EXOC3: variants seen among roughly 807,000 people sequenced by gnomAD.
EXOC3 encodes exocyst complex component 3.
EXOC3 carries 21 observed loss-of-function variants against 73.7 expected under a neutral mutation model. The observed-to-expected ratio is 0.29, with a 90% CI of 0.20 to 0.41. The LOEUF is 0.41. Among genes scored for constraint, EXOC3 ranks in the 10% least tolerant of loss-of-function variants. EXOC3 has a pLI of 1.00. For missense variants in EXOC3, 842 were observed against 985.1 expected (o/e 0.85, Z 1.95); for synonymous variants, 410 against 389.1 (o/e 1.05, Z -0.63).
At chr5:448,217 C>T (rs1243983220) in intron 3 of EXOC3, among the ~76,000 whole-genome samples, 1 of 152,218 alleles carries the variant, frequency 6.6e-6, no homozygotes, top group Non-Finnish European at 1.5e-5. Flanking sequence ...GTGCACAGGC[C>T]AGGGCAGAGG....
Position 453,366 on chromosome 5 carries a change from C to A in EXOC3, c.365-4C>A. ...TTATGTTGTGTCTTGTGCCTTCTCC[C>A]TAGTGCCTGAGATTGTGAGGGAGAC... On this transcript the variant is annotated splice_polypyrimidine_tract_variant and splice_region_variant and intron_variant, in intron 3 of 12. Coordinates refer to ENST00000512944, the MANE Select transcript of EXOC3 (RefSeq NM_007277.5). The A allele has an allele frequency of 1.3e-6, 2 of 1,566,254 alleles. No individual in the cohort carries two copies. Among genetic ancestry groups the A allele is most frequent in the East Asian group, 2.4e-5 (1 of 42,110 alleles).
intron 9 of EXOC3, 33 bp downstream of exon 9, chr5:462,340 G>A (rs1289309241): frequency 1.2e-6 from 2 of 1,613,156 alleles, no homozygotes; most frequent in Admixed American, 3.3e-5. Flanking sequence ...GCCGTTTTCT[G>A]GGCCGAAGCC....
chr5:457,218 G>T (rs1363800374), intron 5 of EXOC3: 5 of 569,468 alleles, frequency 8.8e-6, no homozygotes, highest in Non-Finnish European at 1.3e-5. Flanking sequence ...TCTGAAGCTT[G>T]TCCTCTGCTG....
chr5:453,325 A>G, intron 3 of EXOC3, 45 bp from the exon 4 acceptor site: 3 of 1,463,720 alleles, frequency 2.0e-6, no homozygotes, highest in Non-Finnish European at 1.9e-6. Flanking sequence ...GCAGCCTTTT[A>G]TGTGGTGGTG....
rs1371380095 is a variant in EXOC3, at chr5:459,402, A to G, written c.1334A>G (p.Asp445Gly). 1 of 1,575,236 alleles carries G rather than the reference A, an allele frequency of 6.3e-7. No individual in the cohort carries two copies. Among genetic ancestry groups the G allele is most frequent in the African/African-American group, 1.3e-5 (1 of 74,394 alleles). Residue 445 changes from aspartate (D) to glycine (G), a missense_variant, in exon 7 of 13, where the codon GAT (aspartate) becomes GGT (glycine). Asp to Gly is a moderately conservative substitution (Grantham distance 94). Transcript: ENST00000512944. ...CAAGTTGCTGCTCAGATAAGTGAAG[A>G]TTTGAAAACAAAGGTACTAGTTTTA... is the stretch of plus-strand genomic sequence containing the variant. ...NLQVAAQISE[D>G]LKTKVLVLCL...
intron 7 of EXOC3, among the ~76,000 whole-genome samples, chr5:460,506 T>C (rs147358236): frequency 1.2e-4 from 19 of 152,292 alleles, no homozygotes; most frequent in African/African-American, 4.6e-4. Context: ...CATCCATCGA[T>C]AGGGGTAATG....
Position 448,465 on chromosome 5 carries a change from C to T in EXOC3, c.364+713C>T, listed in dbSNP as rs561068922. On this transcript the variant is annotated intron_variant, in intron 3 of 12. Coordinates refer to ENST00000512944, the MANE Select transcript of EXOC3 (RefSeq NM_007277.5). ...CAAGGTCAGCAGCATCCTTCCAGTC[C>T]CCAACTCAGAAGCCTTGGCAGGGTC... Among the ~76,000 whole-genome samples, 12 of 152,314 alleles carry T rather than the reference C, an allele frequency of 7.9e-5. No homozygotes were observed. In the East Asian group the frequency reaches 1.9e-3, roughly 25 times the overall value.
rs1220428036 is a variant in EXOC3, at chr5:462,180, G to T, written c.1526G>T (p.Arg509Ile). 3 of 1,613,980 alleles carry T rather than the reference G, an allele frequency of 1.9e-6. No individual in the cohort carries two copies. The African/African-American group carries it at 4.0e-5, about 22-fold the overall frequency. Residue 509 changes from arginine to isoleucine, a missense_variant, in exon 9 of 13, where the codon AGA (arginine) becomes ATA (isoleucine). By Grantham distance (97) the Arg-to-Ile change is moderately conservative. Transcript: ENST00000512944. ...TFKESIVSLK[R>I]KYLKNEVEEG... The stretch of plus-strand genomic sequence containing the variant: ...AGGGAATCCATAGTCAGTTTAAAAA[G>T]AAAGTATTTAAAGAATGAAGTGGAA...
intron 3 of EXOC3, among the ~76,000 whole-genome samples, chr5:450,877 C>G (rs1737643239): frequency 6.7e-6 from 1 of 150,084 alleles, no homozygotes; most frequent in Non-Finnish European, 1.5e-5. Flanking sequence ...TATGGAATAT[C>G]TTTTTCCACC....
intron 9 of EXOC3, among the ~76,000 whole-genome samples, chr5:463,941 G>A (rs1375648879): frequency 2.0e-5 from 3 of 152,248 alleles, no homozygotes; most frequent in African/African-American, 4.8e-5. Context: ...AGAAATTGTA[G>A]TATAAATCTC....
intron 2 of EXOC3, among the ~76,000 whole-genome samples, chr5:446,805 C>T (rs756945979): frequency 6.6e-6 from 1 of 151,660 alleles, no homozygotes; most frequent in Non-Finnish European, 1.5e-5. Flanking sequence ...TGCGGTGAGC[C>T]GAGATGGTGC....
intron 3 of EXOC3, among the ~76,000 whole-genome samples, chr5:448,693 T>C (rs888581056): frequency 1.3e-5 from 2 of 152,140 alleles, no homozygotes; most frequent in African/African-American, 4.8e-5. Context: ...TTGGCGCGGT[T>C]CTCCCCAGCT....
chr5:461,456 T>A (rs1737981058), intron 7 of EXOC3, among the ~76,000 whole-genome samples: 1 of 152,052 alleles, frequency 6.6e-6, no homozygotes, highest in Non-Finnish European at 1.5e-5. Context: ...CTACTAAAAA[T>A]ACAAAAATTA....
In EXOC3 at chr5:453,679, G is replaced by A. The variant is rs774670057; in HGVS notation, c.674G>A (p.Arg225His). Reference sequence around the variant, plus strand: ...GAAAGGGAAGAGAAAATTGACAGGCGCATACTTGACCGGAAAAAGCAAACT... The same window carrying A: ...GAAAGGGAAGAGAAAATTGACAGGCACATACTTGACCGGAAAAAGCAAACT... Reference protein sequence around the residue: ...IIEREEKIDRRILDRKKQTGF... With the variant: ...IIEREEKIDRHILDRKKQTGF... Residue 225 changes from arginine to histidine, a missense_variant, in exon 4 of 13, where the codon CGC becomes CAC. By Grantham distance (29) the Arg-to-His change is conservative. Coordinates refer to ENST00000512944, the MANE Select transcript of EXOC3 (RefSeq NM_007277.5). The A allele has an allele frequency of 5.0e-6, 8 of 1,613,912 alleles. No individual in the cohort carries two copies. The highest frequency in any genetic ancestry group is 1.3e-5 in the African/African-American group (1 of 75,038).
intron 1 of EXOC3, among the ~76,000 whole-genome samples, chr5:445,405 A>G (rs1418193715): frequency 2.1e-5 from 3 of 144,126 alleles, no homozygotes; most frequent in Non-Finnish European, 4.5e-5. Context: ...GCTGGAGTGC[A>G]GTGGCGCGAT....
intron 3 of EXOC3, among the ~76,000 whole-genome samples, chr5:451,423 AT>A (rs1411060741): frequency 6.6e-6 from 1 of 152,180 alleles, no homozygotes; most frequent in Non-Finnish European, 1.5e-5. Context: ...TAATGCATTC[AT>A]TTTTAAAAAT....
rs566467836 is a variant in EXOC3 at position 447,513 on chromosome 5, C to T, written c.145-20C>T. ...ATGGCTATCATTGGCTCTGCTCACC[C>T]GTGTGGCGTCTCTCTTTAGGCCGCC... On this transcript the variant is annotated intron_variant, in intron 2 of 12. Transcript: ENST00000512944. 51 of 1,516,884 alleles carry T rather than the reference C, an allele frequency of 3.4e-5. No homozygotes were observed. The highest frequency in any genetic ancestry group is 3.1e-4 in the South Asian group (25 of 81,136). 94.0% of individuals were successfully genotyped at this position (1,516,884 alleles called of 1,614,324 possible). A position where few individuals can be genotyped will look rare whatever the true frequency, so the allele number is the denominator to read the frequency against.
intron 4 of EXOC3, 93 bp from the exon 5 acceptor site, chr5:456,796 A>G: frequency 1.1e-6 from 1 of 951,414 alleles, no homozygotes; most frequent in Non-Finnish European, 1.7e-6. Context: ...GGTGGTGGAC[A>G]TTCATGTGTC....
chr5:456,641 G>A (rs987128969), intron 4 of EXOC3, among the ~76,000 whole-genome samples: 38 of 152,276 alleles, frequency 2.5e-4, no homozygotes, highest in Non-Finnish European at 4.4e-4. Flanking sequence ...AAAGCCCTCG[G>A]CCCCTGCCCT....
Sources: allele counts gnomAD v4.1 joint callset (sites outside exome capture counted in the v4.1 genomes callset), GRCh38; gene constraint gnomAD v4.1.1; transcripts MANE v1.5; gene names NCBI Gene and HGNC (gene_info 2026-07-23, HGNC 2026-07-21).